Variants in AXIN1 observed in about 807,000 individuals in gnomAD.
The protein encoded by AXIN1 is axin-1.
AXIN1 carries 30 observed loss-of-function variants against 76.4 expected under a neutral mutation model. The ratio of observed to expected loss-of-function variants is 0.39; its 90% CI spans 0.29 to 0.53. The LOEUF is 0.53. AXIN1 is among the 20% of genes least tolerant of loss of function. The pLI is 0.66. For synonymous variants in AXIN1, 545 were observed against 501.4 expected, an observed-to-expected ratio of 1.09 and a Z score of -1.16; for missense variants, 1,140 against 1,198.8, an observed-to-expected ratio of 0.95 and a Z score of 0.72.
rs141627187 is a variant in AXIN1, at chr16:289,559, G to C, written c.2343C>G (p.Asp781Glu). 1.9e-6 allele frequency: 3 copies of C among 1,612,986 alleles called. No homozygotes were observed. Among genetic ancestry groups the C allele is most frequent in the Non-Finnish European group, 2.5e-6 (3 of 1,180,010 alleles). Reference protein sequence around the residue: ...KVGGGSAQPCDSIVVAYYFCG... With the variant: ...KVGGGSAQPCESIVVAYYFCG... ...AGAAGTAGTACGCCACAACGATGCT[G>C]TCACACGGCTGGGCACTCCCGCCGC... The change falls in exon 10 of 11, where the codon GAC becomes GAG. Residue 781 changes from aspartate (D) to glutamate (E), a missense_variant. Physicochemically the swap from Asp to Glu is conservative, Grantham distance 45. Coordinates refer to ENST00000262320, the MANE Select transcript of AXIN1 (RefSeq NM_003502.4).
chr16:294,493 C>T (rs1395311017), intron 7 of AXIN1, among the ~76,000 whole-genome samples: 2 of 132,886 alleles, frequency 1.5e-5, no homozygotes, highest in Non-Finnish European at 1.6e-5. Context: ...AATGGCCAGG[C>T]GCGGTAATCC....
At chr16:327,987 G>A (rs2053617160) in intron 2 of AXIN1, among the ~76,000 whole-genome samples, 1 of 152,248 alleles carries the variant, frequency 6.6e-6, no homozygotes, top group Non-Finnish European at 1.5e-5. Flanking sequence ...AGTGGCTCAA[G>A]CCTGTAATCC....
In AXIN1 at chr16:291,208, A is replaced by G. The variant is rs751847633; in HGVS notation, c.2276T>C (p.Met759Thr). The G allele has an allele frequency of 1.3e-6, 2 of 1,588,082 alleles. No individual in the cohort carries two copies. Among genetic ancestry groups the G allele is most frequent in the African/African-American group, 2.7e-5 (2 of 74,754 alleles). ...CACGTACTCTGTCTCGGAGAGCTCC[A>G]TGTCCGACACGGCTGGTACCACGTG... is the stretch of plus-strand genomic sequence containing the variant. ...VLHVVPAVSD[M>T]ELSETETRSQ... is the part of the protein sequence containing the mutation. The change falls in exon 9 of 11, where the codon ATG (methionine) becomes ACG (threonine). Residue 759 changes from methionine to threonine, a missense_variant. This residue lies in a region of AXIN1 where 429 missense variants were observed against 405.8 expected (regional missense o/e 1.06). Transcript: ENST00000262320.
chr16:318,043 G>A (rs1436437067), intron 2 of AXIN1, among the ~76,000 whole-genome samples: 3 of 152,228 alleles, frequency 2.0e-5, no homozygotes, highest in Admixed American at 6.5e-5. Context: ...GTAGCCCACA[G>A]CACACGGCGC....
intron 4 of AXIN1, among the ~76,000 whole-genome samples, 153 bp from the exon 5 acceptor site, chr16:304,594 G>A (rs191131615): frequency 5.3e-5 from 8 of 152,320 alleles, no homozygotes; most frequent in Admixed American, 3.3e-4. Context: ...GAGTGCAATG[G>A]CGTGATCTTG....
At chr16:342,318 A>G (rs8047501) in intron 2 of AXIN1, among the ~76,000 whole-genome samples, 82,962 of 151,930 alleles carry the variant, frequency 0.55, 24,359 homozygotes, top group African/African-American at 0.76. Context: ...TAGGAACTGT[A>G]ACACTCACGG....
In AXIN1 at chr16:304,259, A is replaced by G. The variant is rs576329862; in HGVS notation, c.1254+45T>C. On this transcript the variant is annotated intron_variant, in intron 5 of 10. Transcript: ENST00000262320. ...CAGGACATCCCGGCGGCAAGAAAAC[A>G]GCACGACACCGACGCGGAGCGCGAC... 5.6e-6 allele frequency: 9 copies of G among 1,599,978 alleles called. No individual in the cohort carries two copies. In the East Asian group the frequency reaches 1.1e-4, roughly 20 times the overall value.
intron 2 of AXIN1, among the ~76,000 whole-genome samples, chr16:344,155 G>T (rs544002868): frequency 6.6e-6 from 1 of 151,964 alleles, no homozygotes; most frequent in African/African-American, 2.4e-5. Flanking sequence ...AAAAAAGGCC[G>T]GGCGTGGTGG....
At position 314,453 on chromosome 16, in the gene AXIN1, A is replaced by G. The variant is rs1035716925; in HGVS notation, c.1019+90T>C. 5.1e-6 allele frequency: 8 copies of G among 1,581,886 alleles called. No homozygotes were observed. In the African/African-American group the frequency reaches 8.1e-5, roughly 16 times the overall value. On this transcript the variant is annotated intron_variant, in intron 3 of 10. Transcript: ENST00000262320. ...AAACAGGGTGTCTGGGGCAGGACTT[A>G]CACATTGCTGTCCTCAAGGGACAAG...
intron 2 of AXIN1, among the ~76,000 whole-genome samples, chr16:318,905 C>T (rs1371535529): frequency 6.6e-6 from 1 of 151,734 alleles, no homozygotes; most frequent in Non-Finnish European, 1.5e-5. Context: ...GCAGCCGGGG[C>T]CTTGGTGAGA....
chr16:314,214 C>T (rs528311553), intron 3 of AXIN1, among the ~76,000 whole-genome samples: 3 of 152,302 alleles, frequency 2.0e-5, no homozygotes, highest in Admixed American at 6.5e-5. Context: ...GAGAAGCAAC[C>T]GACACAAAGC....
chr16:293,434 G>A lies in AXIN1; in HGVS notation c.2186+54C>T, dbSNP rs1357500353. On this transcript the variant is annotated intron_variant, in intron 8 of 10. Coordinates refer to ENST00000262320, the MANE Select transcript of AXIN1 (RefSeq NM_003502.4). The surrounding 1 kb of genome is among the most constrained non-coding windows in gnomAD (Gnocchi z 4.6). ...AGGCCTCGGGGAGCTTCAGCCCCAG[G>A]AGTGGTGCTGTGGTAACCCCCAAGA... The A allele has an allele frequency of 1.9e-6, 3 of 1,549,296 alleles. 1 individual carries two copies. Among genetic ancestry groups the A allele is most frequent in the African/African-American group, 2.7e-5 (2 of 73,592 alleles).
At chr16:341,496 C>T (rs2053919870) in intron 2 of AXIN1, among the ~76,000 whole-genome samples, 1 of 152,280 alleles carries the variant, frequency 6.6e-6, no homozygotes, top group Non-Finnish European at 1.5e-5. Context: ...TAACTGCCTT[C>T]CTGCAGGGCA....
At chr16:349,227 G>A (rs918509292) in intron 1 of AXIN1, among the ~76,000 whole-genome samples, 5 of 152,264 alleles carry the variant, frequency 3.3e-5, no homozygotes, top group Non-Finnish European at 5.9e-5. Flanking sequence ...TTTTGTGAAC[G>A]CTGCTGGGTA....
At chr16:324,214 C>A (rs2053528881) in intron 2 of AXIN1, among the ~76,000 whole-genome samples, 1 of 152,238 alleles carries the variant, frequency 6.6e-6, no homozygotes, top group Non-Finnish European at 1.5e-5. Flanking sequence ...GTCTTCCGGG[C>A]CACATTACGG....
chr16:336,911 A>G (rs2053816962), intron 2 of AXIN1, among the ~76,000 whole-genome samples: 1 of 151,926 alleles, frequency 6.6e-6, no homozygotes, highest in Non-Finnish European at 1.5e-5. Context: ...GCACTTTGGA[A>G]GGCCGAGGCT....
intron 5 of AXIN1, among the ~76,000 whole-genome samples, chr16:298,540 C>G (rs1479835830): frequency 6.6e-6 from 1 of 152,232 alleles, no homozygotes; most frequent in African/African-American, 2.4e-5. Flanking sequence ...CAAGTTCTTG[C>G]TCTGTTGCCC....
chr16:333,435 GAA>G (rs756612335), intron 2 of AXIN1, among the ~76,000 whole-genome samples: 3 of 101,572 alleles, frequency 3.0e-5, no homozygotes, highest in Non-Finnish European at 4.3e-5. Flanking sequence ...ACTCGCCTCA[GAA>G]AAAAAAAAAA....
At chr16:306,097 C>G (rs180752181) in intron 4 of AXIN1, among the ~76,000 whole-genome samples, 1 of 152,144 alleles carries the variant, frequency 6.6e-6, no homozygotes, top group Non-Finnish European at 1.5e-5. Context: ...GCTTTATCAT[C>G]CCCTTACCGG....
Sources: allele counts gnomAD v4.1 joint callset (sites outside exome capture counted in the v4.1 genomes callset), GRCh38; gene constraint gnomAD v4.1.1; regional missense constraint gnomAD v4.1.1; non-coding constraint Gnocchi (gnomAD v3.1); transcripts MANE v1.5; gene names NCBI Gene and HGNC (gene_info 2026-07-23, HGNC 2026-07-21).